The following PCDH15 variants were observed in gnomAD, a reference collection of about 807,000 sequenced individuals.
PCDH15 encodes protocadherin related 15, also known as protocadherin-15.
A neutral mutation model predicts 178.5 loss-of-function variants in PCDH15; 129 were observed. That is an observed-to-expected ratio of 0.72 (90% CI 0.63 to 0.84). The LOEUF is 0.84. Ranked by LOEUF, PCDH15 falls within the 40% of genes least tolerant of loss-of-function variation. The probability of loss-of-function intolerance (pLI) is 0.00; values close to 1 mark genes in which losing one functional copy is unlikely to be tolerated. For missense variants in PCDH15, 2,230 were observed against 2,099.9 expected, an observed-to-expected ratio of 1.06 and a Z score of -1.21; for synonymous variants, 800 against 732.0, an observed-to-expected ratio of 1.09 and a Z score of -1.50.
chr10:54,453,917 T>G (rs947034777), intron 3 of PCDH15, among the ~76,000 whole-genome samples: 3 of 151,986 alleles, frequency 2.0e-5, no homozygotes, highest in African/African-American at 4.8e-5. Context: ...TCTGTTATTT[T>G]TAAGCCACCA....
rs140650983 is a variant in PCDH15 at position 54,972,243 on chromosome 10, T to C, written c.-79-74743A>G. ...CCCTTTTAATATGTATTTGATATGA[T>C]TTATAAGAATACTTGGCTGGGCGTG... On this transcript the variant is annotated intron_variant, in intron 2 of 5. Coordinates refer to the PCDH15 transcript ENST00000458638. Among the ~76,000 whole-genome samples, 757 of 152,292 alleles carry C rather than the reference T, an allele frequency of 5.0e-3. 5 individuals are homozygous for C. The highest frequency in any genetic ancestry group is 0.018 in the African/African-American group (733 of 41,572).
chr10:55,552,180 CAT>C (rs1205173686), intron 2 of PCDH15, among the ~76,000 whole-genome samples: 1 of 151,672 alleles, frequency 6.6e-6, no homozygotes, highest in Non-Finnish European at 1.5e-5. Flanking sequence ...TGGAATTACT[CAT>C]ATTAATTTCA....
At chr10:54,684,998 T>C (rs375180826) in intron 1 of PCDH15, among the ~76,000 whole-genome samples, 22 of 151,994 alleles carry the variant, frequency 1.4e-4, no homozygotes, top group South Asian at 4.1e-4. Flanking sequence ...TCTTTCTTTA[T>C]ATTTTTATTC....
chr10:54,897,987 T>C (rs1220167704), intron 2 of PCDH15, among the ~76,000 whole-genome samples: 1 of 152,180 alleles, frequency 6.6e-6, no homozygotes, highest in African/African-American at 2.4e-5. Flanking sequence ...CCAAATCTCA[T>C]GTTGAGACGT....
At chr10:55,254,963 T>C (rs1841949835) in intron 1 of PCDH15, among the ~76,000 whole-genome samples, 1 of 152,072 alleles carries the variant, frequency 6.6e-6, no homozygotes, top group African/African-American at 2.4e-5. Context: ...CTTTTTTTTT[T>C]TATTATACTT....
chr10:54,430,356 A>G (rs558520166), intron 3 of PCDH15, among the ~76,000 whole-genome samples: 8 of 152,152 alleles, frequency 5.3e-5, no homozygotes, highest in Non-Finnish European at 8.8e-5. Context: ...CACCCGGCCA[A>G]AATACACATT....
At chr10:55,148,225 AAG>A (rs1441449896) in intron 2 of PCDH15, among the ~76,000 whole-genome samples, 3 of 151,898 alleles carry the variant, frequency 2.0e-5, no homozygotes, top group Non-Finnish European at 4.4e-5. Context: ...ATGTTAGGAA[AAG>A]AGTGGCAAAA....
chr10:55,293,685 A>G (rs1180111304), intron 1 of PCDH15, among the ~76,000 whole-genome samples: 1 of 152,182 alleles, frequency 6.6e-6, no homozygotes, highest in Admixed American at 6.5e-5. Flanking sequence ...CCTCTTTGCT[A>G]AAACATAACA....
At chr10:54,707,713 G>A (rs2095379832) in intron 1 of PCDH15, among the ~76,000 whole-genome samples, 1 of 152,050 alleles carries the variant, frequency 6.6e-6, no homozygotes. Context: ...ATGAAAAACT[G>A]GCTATTTCAT....
intron 25 of PCDH15, among the ~76,000 whole-genome samples, chr10:53,923,484 G>A (rs2084188993): frequency 6.6e-6 from 1 of 152,154 alleles, no homozygotes; most frequent in South Asian, 2.1e-4. Flanking sequence ...TTGCATTGAA[G>A]CAATGTGTAC....
At chr10:54,209,073 A>T (rs560840484) in intron 10 of PCDH15, among the ~76,000 whole-genome samples, 17 of 151,960 alleles carry the variant, frequency 1.1e-4, no homozygotes, top group African/African-American at 3.4e-4. Flanking sequence ...GATTTAATTA[A>T]TTTTATTAGC....
intron 1 of PCDH15, among the ~76,000 whole-genome samples, chr10:54,671,144 A>T (rs761870298): frequency 6.6e-6 from 1 of 152,146 alleles, no homozygotes; most frequent in Admixed American, 6.5e-5. Flanking sequence ...TTAGCTTAAA[A>T]ATATAACCAA....
chr10:55,552,087 C>T (rs996503468), intron 2 of PCDH15, among the ~76,000 whole-genome samples: 4 of 151,850 alleles, frequency 2.6e-5, no homozygotes, highest in Admixed American at 1.3e-4. Context: ...TGCTTTCTTA[C>T]ATCTCTATTA....
intron 14 of PCDH15, among the ~76,000 whole-genome samples, chr10:54,144,391 C>T (rs1266260600): frequency 2.0e-5 from 3 of 152,080 alleles, no homozygotes; most frequent in Non-Finnish European, 2.9e-5. Flanking sequence ...TGAGTTCCTT[C>T]CTCAGAAAAC....
chr10:54,768,195 G>A (rs1345552872), intron 1 of PCDH15, among the ~76,000 whole-genome samples: 2 of 152,086 alleles, frequency 1.3e-5, no homozygotes, highest in African/African-American at 4.8e-5. Context: ...CAGCATGAGA[G>A]CATAGAGAGA....
chr10:54,485,958 G>A (rs1265179330), intron 3 of PCDH15, among the ~76,000 whole-genome samples: 2 of 151,704 alleles, frequency 1.3e-5, no homozygotes, highest in Non-Finnish European at 2.9e-5. Flanking sequence ...ACAGTTTTAT[G>A]AAAAGATGTT....
intron 2 of PCDH15, among the ~76,000 whole-genome samples, chr10:54,563,185 A>C (rs2088465030): frequency 6.6e-6 from 1 of 152,200 alleles, no homozygotes; most frequent in Admixed American, 6.6e-5. Flanking sequence ...TATGATCTAT[A>C]CATTTGAAAA....
At chr10:54,728,877 A>AG (rs1942953461) in intron 1 of PCDH15, among the ~76,000 whole-genome samples, 1 of 151,358 alleles carries the variant, frequency 6.6e-6, no homozygotes, top group South Asian at 2.1e-4. Context: ...GGGAGGTGAA[A>AG]ATATTTACAA....
At chr10:55,063,584 T>C (rs1841493847) in intron 2 of PCDH15, among the ~76,000 whole-genome samples, 1 of 152,178 alleles carries the variant, frequency 6.6e-6, no homozygotes, top group Non-Finnish European at 1.5e-5. Context: ...TTTCTGTATA[T>C]GTGTGCATGT....
Sources: gnomAD v4.1 joint callset for allele counts (sites outside exome capture counted in the v4.1 genomes callset) on GRCh38, gnomAD v4.1.1 for gene constraint, MANE v1.5 for transcripts, NCBI Gene and HGNC (gene_info 2026-07-23, HGNC 2026-07-21) for gene names.